The following ABLIM3 variants were observed in gnomAD, a reference collection of about 807,000 sequenced individuals.
ABLIM3 encodes actin-binding LIM protein 3.
Under a neutral mutation model 109.5 loss-of-function variants are expected in ABLIM3, and 61 were observed. The ratio of observed to expected loss-of-function variants is 0.56; its 90% confidence interval spans 0.45 to 0.69. The LOEUF (loss-of-function observed/expected upper bound fraction) is 0.69. Ranked by LOEUF, ABLIM3 falls within the 30% of genes least tolerant of loss-of-function variation. The pLI is 0.00. For missense variants in ABLIM3, 796 were observed against 889.5 expected (o/e 0.89, Z 1.34); for synonymous variants, 300 against 324.8 (o/e 0.92, Z 0.82).
chr5:149,208,749 C>T (rs17109773), intron 6 of ABLIM3, among the ~76,000 whole-genome samples: 3,217 of 152,174 alleles, frequency 0.021, 50 homozygotes, highest in African/African-American at 0.029. Context: ...GAAATCCAGG[C>T]GAGGTACTAT....
intron 2 of ABLIM3, among the ~76,000 whole-genome samples, chr5:149,178,004 C>T (rs1756105717): frequency 6.6e-6 from 1 of 152,188 alleles, no homozygotes; most frequent in African/African-American, 2.4e-5. Flanking sequence ...AAACCCAGCC[C>T]AGTGACTCCA....
chr5:149,240,882 G>A, intron 14 of ABLIM3, 108 bp downstream of exon 14: 1 of 1,033,720 alleles, frequency 9.7e-7, no homozygotes, highest in South Asian at 1.3e-5. Flanking sequence ...GCTGGTTCCT[G>A]AGGGACCTCC....
rs780893544 is a variant in ABLIM3, at chr5:149,252,744, C to G, written c.1858-13C>G. ...CCTCACCCAAGCTGGAGACCACCCC[C>G]CTTTCTCCTTAGATCTACCCTTATG... On this transcript the variant is annotated splice_polypyrimidine_tract_variant and intron_variant, in intron 22 of 23. Coordinates refer to ENST00000309868, the MANE Select transcript of ABLIM3 (RefSeq NM_014945.5). The G allele has an allele frequency of 6.2e-6, 10 of 1,609,928 alleles. No individual in the cohort carries two copies. Among genetic ancestry groups the G allele is most frequent in the Admixed American group, 5.0e-5 (3 of 59,868 alleles).
At chr5:149,193,538 A>T (rs879795968) in intron 3 of ABLIM3, among the ~76,000 whole-genome samples, 1 of 152,152 alleles carries the variant, frequency 6.6e-6, no homozygotes, top group Admixed American at 6.5e-5. Context: ...TGACAGTTCT[A>T]CTCTGGTTGA....
At chr5:149,202,821 T>C in intron 5 of ABLIM3, among the ~76,000 whole-genome samples, 1 of 152,014 alleles carries the variant, frequency 6.6e-6, no homozygotes. Flanking sequence ...TCAGCAACAG[T>C]AGCAGCAGAA....
intron 20 of ABLIM3, 81 bp from the exon 21 acceptor site, chr5:149,251,278 A>G: frequency 6.4e-7 from 1 of 1,551,070 alleles, no homozygotes; most frequent in Admixed American, 1.7e-5. Context: ...GCGCCAGTCC[A>G]TTTTCTGGAG....
chr5:149,209,624 T>C (rs1759345099), intron 6 of ABLIM3, among the ~76,000 whole-genome samples: 1 of 152,250 alleles, frequency 6.6e-6, no homozygotes, highest in South Asian at 2.1e-4. Context: ...TCTTGTTGGC[T>C]CATCACATCC....
At chr5:149,214,327 G>A (rs1004748910) in intron 7 of ABLIM3, among the ~76,000 whole-genome samples, 3 of 152,212 alleles carry the variant, frequency 2.0e-5, no homozygotes, top group Admixed American at 1.3e-4. Flanking sequence ...TTTATTCTCA[G>A]GAGGGCGTTC....
In ABLIM3 at chr5:149,194,811, C is replaced by T. The variant is rs6884526; in HGVS notation, c.152-3408C>T. Reference sequence around the variant, plus strand: ...GGAATGATAAACACATAATTAGGGACGGTATGGGACAGAGGTGCTCTTAAG... The same window carrying T: ...GGAATGATAAACACATAATTAGGGATGGTATGGGACAGAGGTGCTCTTAAG... On this transcript the variant is annotated intron_variant, in intron 3 of 23. Coordinates refer to ENST00000309868, the MANE Select transcript of ABLIM3 (RefSeq NM_014945.5). Among the ~76,000 whole-genome samples, 654 of 152,152 alleles carry T rather than the reference C, an allele frequency of 4.3e-3. 7 individuals carry two copies. Among genetic ancestry groups the T allele is most frequent in the African/African-American group, 0.015 (632 of 41,506 alleles).
At chr5:149,188,134 T>C (rs552257074) in intron 3 of ABLIM3, among the ~76,000 whole-genome samples, 4 of 152,312 alleles carry the variant, frequency 2.6e-5, no homozygotes, top group Non-Finnish European at 5.9e-5. Context: ...TCTCACCACT[T>C]CTATTTGACA....
chr5:149,196,842 C>T (rs1475437832), intron 3 of ABLIM3, among the ~76,000 whole-genome samples: 1 of 152,218 alleles, frequency 6.6e-6, no homozygotes, highest in Non-Finnish European at 1.5e-5. Context: ...AAGTAAATCT[C>T]ATATTTCTAA....
chr5:149,240,564 C>A, intron 13 of ABLIM3, 112 bp from the exon 14 acceptor site: 1 of 823,066 alleles, frequency 1.2e-6, no homozygotes, highest in Non-Finnish European at 2.1e-6. Context: ...CGCCCCAGCC[C>A]ATCCCCCATC....
rs1400315317 is a variant in ABLIM3, at chr5:149,212,557, A to AGG, written c.669+1738_669+1739insGG. Among the ~76,000 whole-genome samples the AGG allele has an allele frequency of 3.3e-5, 5 of 152,304 alleles. No homozygotes were observed. In the East Asian group the frequency reaches 9.7e-4, roughly 29 times the overall value. ...GGAAGGACTCAAGAGGTACAGTAGC[A>AGG]ATGGAGAGGGAAGCCACCCTTGTGC... On this transcript the variant is annotated intron_variant, in intron 7 of 23. Coordinates refer to ENST00000309868, the MANE Select transcript of ABLIM3 (RefSeq NM_014945.5).
intron 2 of ABLIM3, among the ~76,000 whole-genome samples, chr5:149,142,624 C>T (rs1434680077): frequency 1.3e-5 from 2 of 152,172 alleles, no homozygotes; most frequent in Admixed American, 6.5e-5. Context: ...ATCCAGCTCC[C>T]GAGTGCCTGC....
intron 8 of ABLIM3, among the ~76,000 whole-genome samples, chr5:149,226,518 G>A (rs990051852): frequency 5.3e-5 from 8 of 152,074 alleles, no homozygotes; most frequent in African/African-American, 1.2e-4. Context: ...GAAACCTGCC[G>A]TAAGAGAATG....
chr5:149,157,541 A>G (rs987223906), intron 2 of ABLIM3, among the ~76,000 whole-genome samples: 3 of 109,696 alleles, frequency 2.7e-5, no homozygotes, highest in African/African-American at 3.6e-5. Flanking sequence ...AGAATGACAT[A>G]TGACTTATGC....
chr5:149,145,899 C>T (rs950931194), intron 2 of ABLIM3, among the ~76,000 whole-genome samples: 12 of 152,136 alleles, frequency 7.9e-5, no homozygotes, highest in Non-Finnish European at 1.0e-4. Flanking sequence ...GATCCTCCCA[C>T]CTCAGCCTCC....
chr5:149,198,156 A>G lies in ABLIM3; in HGVS notation c.152-63A>G. The stretch of plus-strand genomic sequence containing the variant: ...GACACCAGCCTTTCCCCCAGCGAGG[A>G]CCTTCTGCTTACAGACCCTCCCTGG... On this transcript the variant is annotated intron_variant, in intron 3 of 23. Transcript: ENST00000309868. The surrounding 1 kb of genome is among the most constrained non-coding windows in gnomAD (Gnocchi z 4.2). The G allele has an allele frequency of 6.7e-7, 1 of 1,501,472 alleles. No individual in the cohort carries two copies. The highest frequency in any genetic ancestry group is 2.0e-5 in the Admixed American group (1 of 50,204). The allele number at this position is 1,501,472 out of a possible 1,614,324, so 93.0% of individuals were successfully genotyped here.
intron 2 of ABLIM3, among the ~76,000 whole-genome samples, chr5:149,158,400 T>A (rs750334807): frequency 1.3e-5 from 2 of 152,152 alleles, no homozygotes; most frequent in Non-Finnish European, 2.9e-5. Flanking sequence ...ATTACTTAAA[T>A]GTAATACTAA....
Sources: gnomAD v4.1 joint callset for allele counts (sites outside exome capture counted in the v4.1 genomes callset) on GRCh38, gnomAD v4.1.1 for gene constraint, Gnocchi (gnomAD v3.1) non-coding constraint, MANE v1.5 for transcripts, NCBI Gene and HGNC (gene_info 2026-07-23, HGNC 2026-07-21) for gene names.